Variants in TMEM132D observed in about 807,000 individuals in gnomAD.
TMEM132D encodes mature OL transmembrane protein.
TMEM132D carries 21 observed loss-of-function variants against 62.3 expected under a neutral mutation model. The observed-to-expected ratio is 0.34, with a 90% CI of 0.24 to 0.49. The LOEUF (loss-of-function observed/expected upper bound fraction) is 0.49, where lower values mean the gene tolerates loss of function less well. TMEM132D is among the 20% of genes least tolerant of loss of function. The probability of loss-of-function intolerance (pLI) is 0.99; values close to 1 mark genes in which losing one functional copy is unlikely to be tolerated. For synonymous variants in TMEM132D, 621 were observed against 575.6 expected, an observed-to-expected ratio of 1.08 and a Z score of -1.13; for missense variants, 1,346 against 1,402.8, an observed-to-expected ratio of 0.96 and a Z score of 0.65.
At chr12:129,193,113 G>C (rs984306883) in intron 5 of TMEM132D, among the ~76,000 whole-genome samples, 3 of 146,556 alleles carry the variant, frequency 2.0e-5, no homozygotes, top group African/African-American at 7.6e-5. Flanking sequence ...AGCCGAGATC[G>C]TGCCACTGCA....
intron 2 of TMEM132D, among the ~76,000 whole-genome samples, chr12:129,537,785 A>G (rs1876442930): frequency 6.6e-6 from 1 of 152,226 alleles, no homozygotes; most frequent in Non-Finnish European, 1.5e-5. Flanking sequence ...AAAGCCAAGA[A>G]TGCGGAAGCA....
intron 3 of TMEM132D, among the ~76,000 whole-genome samples, chr12:129,455,577 C>G (rs1214307336): frequency 6.6e-6 from 1 of 152,178 alleles, no homozygotes; most frequent in African/African-American, 2.4e-5. Context: ...CTGGGGAAGG[C>G]TTCTAAGGAG....
At chr12:129,640,398 T>A (rs1257999150) in intron 2 of TMEM132D, among the ~76,000 whole-genome samples, 1 of 152,214 alleles carries the variant, frequency 6.6e-6, no homozygotes, top group African/African-American at 2.4e-5. Context: ...AATGGGATGC[T>A]TCTTCTACCC....
rs1270416616 is a variant in TMEM132D at position 129,227,200 on chromosome 12, TTTTA to T, written c.1300-17541_1300-17538del. 3.3e-5 allele frequency among the ~76,000 whole-genome samples: 5 copies of T among 150,844 alleles called. No homozygotes were observed. The East Asian group carries it at 9.8e-4, about 29-fold the overall frequency. ...CTCAAGCATGTGGCCAAATATGGAT[TTTTA>T]TTTATTATGTTAACTGCTACAGAAG... On this transcript the variant is annotated intron_variant, in intron 4 of 8. Coordinates refer to ENST00000422113, the MANE Select transcript of TMEM132D (RefSeq NM_133448.3).
chr12:129,728,651 G>GA (rs1262249042), intron 1 of TMEM132D, among the ~76,000 whole-genome samples: 1 of 152,194 alleles, frequency 6.6e-6, no homozygotes, highest in Non-Finnish European at 1.5e-5. Flanking sequence ...CATGTGGAAG[G>GA]AAAAATATTT....
At chr12:129,221,122 G>T (rs1233198211) in intron 4 of TMEM132D, among the ~76,000 whole-genome samples, 6 of 152,172 alleles carry the variant, frequency 3.9e-5, no homozygotes, top group Admixed American at 1.3e-4. Context: ...AAATGTACGG[G>T]TCAATGTTGT....
chr12:129,254,173 T>C (rs1880342286), intron 4 of TMEM132D, among the ~76,000 whole-genome samples: 1 of 151,926 alleles, frequency 6.6e-6, no homozygotes, highest in Non-Finnish European at 1.5e-5. Flanking sequence ...AATCAGAAAA[T>C]TGAAAGAATA....
chr12:129,075,883 C>T (rs978612983), intron 8 of TMEM132D, among the ~76,000 whole-genome samples: 2 of 152,202 alleles, frequency 1.3e-5, no homozygotes, highest in East Asian at 3.8e-4. Flanking sequence ...GTGAAGATGA[C>T]ATTATGCTTG....
At chr12:129,337,244 G>C (rs1226849670) in intron 4 of TMEM132D, among the ~76,000 whole-genome samples, 2 of 152,068 alleles carry the variant, frequency 1.3e-5, no homozygotes, top group Non-Finnish European at 2.9e-5. Context: ...TCCTATGCTT[G>C]ATCTACATGG....
At chr12:129,549,530 A>G (rs888314903) in intron 2 of TMEM132D, among the ~76,000 whole-genome samples, 2 of 152,224 alleles carry the variant, frequency 1.3e-5, no homozygotes, top group African/African-American at 4.8e-5. Flanking sequence ...ACACCATGTA[A>G]GACGTGCCTT....
rs1375002611 is a variant in TMEM132D, at chr12:129,084,693, T to G, written c.1453A>C (p.Arg485=). The G allele has an allele frequency of 6.2e-7, 1 of 1,613,966 alleles. No individual in the cohort carries two copies. The highest frequency in any genetic ancestry group is 2.2e-5 in the East Asian group (1 of 44,832). ...CCATTGACAAAGACGTAGTCACATC[T>G]GTCAGAAACCTGTGAAGAGGTGAGA... ...SDEDVIKVSD[R]CDYVFVNGKE... is the part of the protein sequence containing the mutation. Residue 485 remains arginine, a synonymous_variant, in exon 6 of 9, where the codon AGA becomes CGA. Coordinates refer to ENST00000422113, the MANE Select transcript of TMEM132D (RefSeq NM_133448.3).
At chr12:129,345,024 A>T (rs1422399145) in intron 3 of TMEM132D, among the ~76,000 whole-genome samples, 2 of 152,026 alleles carry the variant, frequency 1.3e-5, no homozygotes, top group Non-Finnish European at 2.9e-5. Context: ...TTTTTGTTTC[A>T]TTTCGCACAC....
Position 129,074,886 on chromosome 12 carries a change from T to A in TMEM132D, c.2289A>T (p.Gln763His), listed in dbSNP as rs2135605054. Residue 763 changes from glutamine (Q) to histidine (H), a missense_variant, in exon 9 of 9, where the codon CAA becomes CAT. Gln to His is a conservative substitution (Grantham distance 24, BLOSUM62 0). Coordinates refer to ENST00000422113, the MANE Select transcript of TMEM132D (RefSeq NM_133448.3). Reference protein sequence around the residue: ...WPIIAAETEGQGTLVKVEMVI... With the variant: ...WPIIAAETEGHGTLVKVEMVI... ...CCATTTCCACCTTGACCAGGGTGCC[T>A]TGTCCTTCTGTTTCCGCAGCAATGA... The A allele has an allele frequency of 5.0e-6, 8 of 1,614,032 alleles. No homozygotes were observed. The highest frequency in any genetic ancestry group is 6.8e-6 in the Non-Finnish European group (8 of 1,180,022).
chr12:129,413,263 T>C (rs1872022581), intron 3 of TMEM132D, among the ~76,000 whole-genome samples: 1 of 152,138 alleles, frequency 6.6e-6, no homozygotes, highest in Non-Finnish European at 1.5e-5. Flanking sequence ...ATTCTTGTGG[T>C]AGTGAATAAG....
At chr12:129,272,818 T>C (rs1447480471) in intron 4 of TMEM132D, among the ~76,000 whole-genome samples, 1 of 151,700 alleles carries the variant, frequency 6.6e-6, no homozygotes, top group Non-Finnish European at 1.5e-5. Flanking sequence ...CCCAGCACTT[T>C]GGGAGGCCAA....
At chr12:129,524,165 G>A (rs1380716312) in intron 3 of TMEM132D, among the ~76,000 whole-genome samples, 1 of 151,588 alleles carries the variant, frequency 6.6e-6, no homozygotes, top group African/African-American at 2.4e-5. Context: ...ACACCAGCAT[G>A]GCCCATGTAT....
chr12:129,647,104 G>A (rs79510997), intron 2 of TMEM132D, among the ~76,000 whole-genome samples: 16,284 of 86,620 alleles, frequency 0.19, 1,061 homozygotes, highest in Admixed American at 0.31. Context: ...CCAACCACAT[G>A]TTTTTATACA....
At chr12:129,781,429 G>A (rs7306880) in intron 1 of TMEM132D, among the ~76,000 whole-genome samples, 96,751 of 152,038 alleles carry the variant, frequency 0.64, 31,989 homozygotes, top group Non-Finnish European at 0.73. Context: ...TTTCAAAGAC[G>A]TTGTATATTA....
At chr12:129,423,704 C>G (rs1171144628) in intron 3 of TMEM132D, among the ~76,000 whole-genome samples, 1 of 152,068 alleles carries the variant, frequency 6.6e-6, no homozygotes, top group African/African-American at 2.4e-5. Context: ...CGGACAGACC[C>G]TTAGAAAATG....
Sources: allele counts gnomAD v4.1 joint callset (sites outside exome capture counted in the v4.1 genomes callset), GRCh38; gene constraint gnomAD v4.1.1; transcripts MANE v1.5; gene names NCBI Gene and HGNC (gene_info 2026-07-23, HGNC 2026-07-21).